The following WDR44 variants were observed in gnomAD, a reference collection of about 807,000 sequenced individuals.
WDR44 encodes the protein WD repeat-containing protein 44.
WDR44 carries 9 observed loss-of-function variants against 65.7 expected under a neutral mutation model. That is an observed-to-expected ratio of 0.14 (90% confidence interval 0.08 to 0.24). WDR44 has a LOEUF of 0.24. Ranked by LOEUF, WDR44 falls within the 10% of genes least tolerant of loss-of-function variation. The pLI, the probability that WDR44 is intolerant of heterozygous loss-of-function variation, is 1.00. For synonymous variants in WDR44, 220 were observed against 235.2 expected, an observed-to-expected ratio of 0.94 and a Z score of 0.59; for missense variants, 425 against 670.9, an observed-to-expected ratio of 0.63 and a Z score of 4.05.
chrX:118,363,124 C>T (rs889609516), intron 1 of WDR44, among the ~76,000 whole-genome samples: 7 of 108,211 alleles, frequency 6.5e-5, no homozygotes, highest in South Asian at 4.1e-4. Flanking sequence ...AATAGTAAAA[C>T]GTGGCTCACA....
intron 1 of WDR44, among the ~76,000 whole-genome samples, chrX:118,359,257 C>CATTAAATTTACTGGAAA (rs1261586466): frequency 3.1e-4 from 35 of 112,254 alleles, no homozygotes; most frequent in African/African-American, 1.1e-3. Flanking sequence ...CTGGAAATTA[C>CATTAAATTTACTGGAAA]TTTAAGTCAT....
chrX:118,406,144 T>G (rs969621180), intron 9 of WDR44, among the ~76,000 whole-genome samples: 8 of 111,790 alleles, frequency 7.2e-5, no homozygotes, highest in Middle Eastern at 4.6e-3. Context: ...AGAAAGCAAG[T>G]ACGTGAAAGG....
intron 1 of WDR44, among the ~76,000 whole-genome samples, chrX:118,358,951 G>A (rs1028275408): frequency 3.6e-5 from 4 of 109,732 alleles, no homozygotes; most frequent in African/African-American, 1.3e-4. Flanking sequence ...GCACACAGGA[G>A]CTCCTCCAGC....
intron 8 of WDR44, among the ~76,000 whole-genome samples, chrX:118,398,920 A>G (rs1012582198): frequency 8.9e-6 from 1 of 111,918 alleles, no homozygotes; most frequent in Non-Finnish European, 1.9e-5. Flanking sequence ...AAAAAATGGT[A>G]ATAATAATAA....
At chrX:118,440,118 A>G in intron 14 of WDR44, among the ~76,000 whole-genome samples, 1 of 71,549 alleles carries the variant, frequency 1.4e-5, no homozygotes, top group African/African-American at 1.0e-4. Flanking sequence ...AGACCCCATC[A>G]CCAAAAAAAA....
intron 10 of WDR44, among the ~76,000 whole-genome samples, chrX:118,409,142 A>G (rs2056991682): frequency 9.0e-6 from 1 of 110,735 alleles, no homozygotes; most frequent in African/African-American, 3.3e-5. Context: ...ATTTATTATT[A>G]TTTTTAGATA....
At chrX:118,363,823 T>C (rs1185439686) in intron 1 of WDR44, among the ~76,000 whole-genome samples, 2 of 112,298 alleles carry the variant, frequency 1.8e-5, no homozygotes, top group African/African-American at 6.4e-5. Context: ...TCTGAAATTT[T>C]ACCAGTTTGC....
Position 118,396,983 on chromosome X carries a change from G to C in WDR44, c.1067G>C (p.Ser356Thr), listed in dbSNP as rs1394584522. The C allele has an allele frequency of 1.7e-6, 2 of 1,179,678 alleles. No individual in the cohort carries two copies. The highest frequency in any genetic ancestry group is 2.3e-6 in the Non-Finnish European group (2 of 885,074). Residue 356 changes from serine (S) to threonine (T), a missense_variant, in exon 7 of 20, where the codon AGT becomes ACT. Ser to Thr is a moderately conservative substitution (Grantham distance 58). Coordinates refer to ENST00000254029, the MANE Select transcript of WDR44 (RefSeq NM_019045.5). ...TTTTAACCTCAGGAAATTTTAGCCA[G>C]TGTAATGATTAAGAACCTGGATACT... is the stretch of plus-strand genomic sequence containing the variant. ...RELTDEEILASVMIKNLDTGE... is the reference protein window; with the variant it reads ...RELTDEEILATVMIKNLDTGE...
At chrX:118,382,141 T>C (rs368542026) in intron 2 of WDR44, among the ~76,000 whole-genome samples, 4 of 112,341 alleles carry the variant, frequency 3.6e-5, no homozygotes, top group African/African-American at 1.3e-4. Flanking sequence ...AGCATTGGGA[T>C]TACATGAATG....
chrX:118,381,545 GCTTTT>G (rs1298066503), intron 2 of WDR44, among the ~76,000 whole-genome samples: 2 of 105,577 alleles, frequency 1.9e-5, no homozygotes, highest in African/African-American at 3.5e-5. Context: ...TCTTTTCCTT[GCTTTT>G]CTTTTCTTTT....
intron 11 of WDR44, among the ~76,000 whole-genome samples, chrX:118,410,168 C>A (rs1284732316): frequency 9.0e-6 from 1 of 111,723 alleles, no homozygotes. Flanking sequence ...GCTTTAAGTT[C>A]ATGGGATTCT....
chrX:118,444,298 C>G, intron 18 of WDR44, 62 bp from the exon 19 acceptor site: 1 of 1,140,569 alleles, frequency 8.8e-7, no homozygotes, highest in Non-Finnish European at 1.2e-6. Context: ...ATATAACATA[C>G]ACTATCGTGT....
At chrX:118,390,474 A>G (rs1364030490) in intron 3 of WDR44, among the ~76,000 whole-genome samples, 1 of 111,903 alleles carries the variant, frequency 8.9e-6, no homozygotes, top group Non-Finnish European at 1.9e-5. Flanking sequence ...CTGTATTTGT[A>G]TTATAGTTCA....
chrX:118,347,747 A>G (rs145481107), intron 1 of WDR44, among the ~76,000 whole-genome samples: 1,648 of 112,348 alleles, frequency 0.015, 20 homozygotes, highest in Non-Finnish European at 0.022. Flanking sequence ...AGTTACAGTA[A>G]TAAAATCAGA....
At chrX:118,404,294 C>G (rs752508351) in intron 8 of WDR44, 44 bp from the exon 9 acceptor site, 7 of 991,814 alleles carry the variant, frequency 7.1e-6, no homozygotes, top group African/African-American at 5.7e-5. Context: ...AATTATTGGA[C>G]TTTTACAGTT....
intron 1 of WDR44, among the ~76,000 whole-genome samples, chrX:118,373,758 C>T (rs1029172793): frequency 6.3e-5 from 7 of 110,943 alleles, no homozygotes; most frequent in African/African-American, 2.3e-4. Context: ...TGTTTACTAG[C>T]TGTACAATGT....
chrX:118,358,263 A>G (rs2056480795), intron 1 of WDR44, among the ~76,000 whole-genome samples: 1 of 112,642 alleles, frequency 8.9e-6, no homozygotes, highest in Non-Finnish European at 1.9e-5. Context: ...AGAGAACAGT[A>G]AAGACTGGAT....
intron 1 of WDR44, among the ~76,000 whole-genome samples, chrX:118,346,939 C>G (rs1216462520): frequency 9.0e-6 from 1 of 111,564 alleles, no homozygotes; most frequent in Non-Finnish European, 1.9e-5. Flanking sequence ...CCGTTTTGGC[C>G]TCGGGGACCG....
In WDR44 at chrX:118,416,904, T is replaced by C. The variant is rs562024903; in HGVS notation, c.1737+5945T>C. Among the ~76,000 whole-genome samples, 82 of 111,907 alleles carry C rather than the reference T, an allele frequency of 7.3e-4. 1 individual carries two copies. The highest frequency in any genetic ancestry group is 2.6e-3 in the African/African-American group (80 of 30,811). On this transcript the variant is annotated intron_variant, in intron 12 of 19. Transcript: ENST00000254029. ...TGCATAAATGTTTAGGATTGTGATATTTTCCTGTTGGACAAGGCCTTTTAC... is the reference window on the plus strand; with the variant it reads ...TGCATAAATGTTTAGGATTGTGATACTTTCCTGTTGGACAAGGCCTTTTAC...
Sources: allele counts gnomAD v4.1 joint callset (sites outside exome capture counted in the v4.1 genomes callset), GRCh38; gene constraint gnomAD v4.1.1; transcripts MANE v1.5; gene names NCBI Gene and HGNC (gene_info 2026-07-23, HGNC 2026-07-21).